The following OSBP2 variants were observed in gnomAD, a reference collection of about 807,000 sequenced individuals.
The protein encoded by OSBP2 is oxysterol-binding protein 2.
In OSBP2, 66 loss-of-function variants were observed where a neutral mutation model predicts 96.0. The ratio of observed to expected loss-of-function variants is 0.69; its 90% CI spans 0.56 to 0.84. The LOEUF is 0.84. OSBP2 is among the 40% of genes least tolerant of loss of function. The pLI, the probability that OSBP2 is intolerant of heterozygous loss-of-function variation, is 0.00. For synonymous variants in OSBP2, 525 were observed against 520.9 expected (o/e 1.01, Z -0.11); for missense variants, 1,038 against 1,222.7 (o/e 0.85, Z 2.25).
chr22:30,775,667 C>T (rs920074497), intron 2 of OSBP2, among the ~76,000 whole-genome samples: 1 of 152,118 alleles, frequency 6.6e-6, no homozygotes, highest in Non-Finnish European at 1.5e-5. Flanking sequence ...CACGATCCTA[C>T]CTGAAATCAC....
At chr22:30,848,329 A>ATATATATTT (rs2038912117) in intron 2 of OSBP2, among the ~76,000 whole-genome samples, 1 of 152,208 alleles carries the variant, frequency 6.6e-6, no homozygotes, top group Non-Finnish European at 1.5e-5. Context: ...TTTGAAATGT[A>ATATATATTT]CATTTATATA....
intron 2 of OSBP2, among the ~76,000 whole-genome samples, chr22:30,822,163 G>A (rs893504685): frequency 2.0e-5 from 3 of 152,252 alleles, no homozygotes; most frequent in Non-Finnish European, 4.4e-5. Context: ...TGGAATCACC[G>A]TCAGGCCCCT....
At chr22:30,699,296 T>C (rs1349814711) in intron 1 of OSBP2, among the ~76,000 whole-genome samples, 5 of 152,232 alleles carry the variant, frequency 3.3e-5, no homozygotes, top group Admixed American at 6.5e-5. Context: ...ATATAGAGTA[T>C]GTTATTTTTA....
intron 2 of OSBP2, among the ~76,000 whole-genome samples, chr22:30,801,305 A>T (rs986869304): frequency 6.6e-6 from 1 of 152,200 alleles, no homozygotes; most frequent in African/African-American, 2.4e-5. Context: ...CTTGGAAGTA[A>T]TTTTCAAGTA....
chr22:30,842,457 G>A (rs1250211289), intron 2 of OSBP2, among the ~76,000 whole-genome samples: 1 of 151,986 alleles, frequency 6.6e-6, no homozygotes, highest in African/African-American at 2.4e-5. Context: ...AGCAATTTCT[G>A]AAAATAAGAC....
In OSBP2 at chr22:30,708,768, C is replaced by T. The variant is rs528933729; in HGVS notation, c.644+13215C>T. 8.6e-5 allele frequency among the ~76,000 whole-genome samples: 13 copies of T among 151,076 alleles called. No homozygotes were observed. The East Asian group carries it at 1.0e-3, about 12-fold the overall frequency. ...CTCCCAAAGTGCTAGGATCAACAGGCGTGAGCCACCGTGCCCGGCCAAGGA... is the reference window on the plus strand; with the variant it reads ...CTCCCAAAGTGCTAGGATCAACAGGTGTGAGCCACCGTGCCCGGCCAAGGA... On this transcript the variant is annotated intron_variant, in intron 1 of 13. Transcript: ENST00000332585.
At chr22:30,783,408 C>T (rs1425069096) in intron 2 of OSBP2, among the ~76,000 whole-genome samples, 1 of 147,838 alleles carries the variant, frequency 6.8e-6, no homozygotes, top group Non-Finnish European at 1.5e-5. Context: ...CTCCAAACCT[C>T]CACCTCCTGG....
chr22:30,856,779 GA>G (rs111339901), intron 2 of OSBP2, among the ~76,000 whole-genome samples: 9,385 of 147,644 alleles, frequency 0.064, 304 homozygotes, highest in Middle Eastern at 0.073. Flanking sequence ...ATTTCTTTTA[GA>G]AAAAAAAAAA....
chr22:30,772,829 G>A (rs2090368661), intron 2 of OSBP2, among the ~76,000 whole-genome samples: 1 of 144,322 alleles, frequency 6.9e-6, no homozygotes, highest in African/African-American at 2.6e-5. Flanking sequence ...GTCTCGCTCT[G>A]TTGCCCAGGC....
chr22:30,787,684 G>GA (rs1275181488), intron 2 of OSBP2, among the ~76,000 whole-genome samples: 20 of 151,568 alleles, frequency 1.3e-4, no homozygotes, highest in Non-Finnish European at 2.1e-4. Context: ...AAAGAAAAAA[G>GA]AAAAAAAAGA....
upstream of OSBP2, chr22:30,694,782 G>A: frequency 1.7e-6 from 1 of 595,568 alleles, no homozygotes; most frequent in Non-Finnish European, 2.1e-6. Flanking sequence ...CGGAGCGCAC[G>A]GGACCGCGGA....
chr22:30,760,378 A>C (rs887186517), intron 2 of OSBP2, among the ~76,000 whole-genome samples: 2 of 152,204 alleles, frequency 1.3e-5, no homozygotes, highest in African/African-American at 4.8e-5. Flanking sequence ...ATTTCTCATG[A>C]GCATAGATGA....
chr22:30,890,699 A>G lies in OSBP2; in HGVS notation c.1624-29A>G, dbSNP rs1269308727. 7 of 1,606,332 alleles carry G rather than the reference A, an allele frequency of 4.4e-6. No homozygotes were observed. Among genetic ancestry groups the G allele is most frequent in the South Asian group, 1.1e-5 (1 of 91,034 alleles). On this transcript the variant is annotated intron_variant, in intron 7 of 13. Coordinates refer to ENST00000332585, the MANE Select transcript of OSBP2 (RefSeq NM_030758.4). The surrounding 1 kb of genome is among the most constrained non-coding windows in gnomAD (Gnocchi z 4.4). Reference sequence around the variant, plus strand: ...CCATGCCAAGCCGGGGCTGGTGCCCAGCCTGACCACCCACCTGTCCACCCA... The same window carrying G: ...CCATGCCAAGCCGGGGCTGGTGCCCGGCCTGACCACCCACCTGTCCACCCA...
chr22:30,820,102 G>T (rs1287340727), intron 2 of OSBP2, among the ~76,000 whole-genome samples: 2 of 152,150 alleles, frequency 1.3e-5, no homozygotes, highest in Non-Finnish European at 2.9e-5. Flanking sequence ...AGCTCTGACC[G>T]AACACAGTGG....
chr22:30,861,463 G>A (rs1338234588), intron 2 of OSBP2, among the ~76,000 whole-genome samples: 1 of 152,332 alleles, frequency 6.6e-6, no homozygotes, highest in Non-Finnish European at 1.5e-5. Flanking sequence ...TGAGGAGAGA[G>A]GGGCCTACGG....
In OSBP2 at chr22:30,890,722, C is replaced by T. The variant is rs1403444681; in HGVS notation, c.1624-6C>T. The T allele has an allele frequency of 1.2e-6, 2 of 1,611,366 alleles. No individual in the cohort carries two copies. The highest frequency in any genetic ancestry group is 1.7e-6 in the Non-Finnish European group (2 of 1,179,886). ...CCAGCCTGACCACCCACCTGTCCAC[C>T]CACAGGTGAACTTCAATGAGCCCCT... On this transcript the variant is annotated splice_region_variant and splice_polypyrimidine_tract_variant and intron_variant, in intron 7 of 13. Transcript: ENST00000332585. The surrounding 1 kb of genome is among the most constrained non-coding windows in gnomAD (Gnocchi z 4.4).
intron 1 of OSBP2, among the ~76,000 whole-genome samples, chr22:30,701,139 C>T (rs938283375): frequency 6.7e-6 from 1 of 150,134 alleles, no homozygotes; most frequent in African/African-American, 2.4e-5. Flanking sequence ...GACCACTGAA[C>T]ACTTGGTGAG....
At position 30,885,073 on chromosome 22, in the gene OSBP2, C is replaced by T. The variant is rs1359198947; in HGVS notation, c.1108-2353C>T. On this transcript the variant is annotated intron_variant, in intron 3 of 13. Coordinates refer to ENST00000332585, the MANE Select transcript of OSBP2 (RefSeq NM_030758.4). ...GAGGCACGTCTGTTGAGTGCTCCCT[C>T]GCCCTGCCTGCCACATCACCTCCTG... Among the ~76,000 whole-genome samples, 3 of 152,142 alleles carry T rather than the reference C, an allele frequency of 2.0e-5. No homozygotes were observed. In the East Asian group the frequency reaches 5.8e-4, roughly 29 times the overall value.
chr22:30,870,642 G>A lies in OSBP2; in HGVS notation c.1067G>A (p.Arg356Gln), dbSNP rs747327005. 9.3e-6 allele frequency: 15 copies of A among 1,613,718 alleles called. No individual in the cohort carries two copies. The highest frequency in any genetic ancestry group is 1.6e-4 in the Middle Eastern group (1 of 6,084). Residue 356 changes from arginine (R) to glutamine (Q), a missense_variant, in exon 3 of 14, where the codon CGG becomes CAG. Transcript: ENST00000332585. This position sits in a 1 kb window ranked among gnomAD's most constrained non-coding sequence, Gnocchi z 4.1. ...GAGAAGCTGAAGGTGGTGAATGAGC[G>A]GGCCACCCTCTTCCGCATCACATCC... is the stretch of plus-strand genomic sequence containing the variant. ...SGEKLKVVNE[R>Q]ATLFRITSNA...
Sources: allele counts gnomAD v4.1 joint callset (sites outside exome capture counted in the v4.1 genomes callset), GRCh38; gene constraint gnomAD v4.1.1; non-coding constraint Gnocchi (gnomAD v3.1); transcripts MANE v1.5; gene names NCBI Gene and HGNC (gene_info 2026-07-23, HGNC 2026-07-21).